The following KDELR3 variants were observed in gnomAD, a reference collection of about 807,000 sequenced individuals.
KDELR3 encodes the protein ER lumen protein-retaining receptor 3.
A neutral mutation model predicts 22.7 loss-of-function variants in KDELR3; 26 were observed. The observed-to-expected ratio is 1.15, with a 90% confidence interval of 0.84 to 1.59. The LOEUF is 1.59. KDELR3 is among the 40% of genes most tolerant of loss of function. The pLI, the probability that KDELR3 is intolerant of heterozygous loss-of-function variation, is 0.00. For missense variants in KDELR3, 289 were observed against 251.1 expected, an observed-to-expected ratio of 1.15 and a Z score of -1.02; for synonymous variants, 120 against 98.2, an observed-to-expected ratio of 1.22 and a Z score of -1.31.
At chr22:38,471,479 G>C (rs56275828) in intron 1 of KDELR3, among the ~76,000 whole-genome samples, 1 of 152,156 alleles carries the variant, frequency 6.6e-6, no homozygotes, top group African/African-American at 2.4e-5. Flanking sequence ...GCTAGTGCAC[G>C]TGCGCGCGTG....
chr22:38,472,775 C>G (rs1218404789), intron 1 of KDELR3, among the ~76,000 whole-genome samples: 3 of 152,206 alleles, frequency 2.0e-5, no homozygotes, highest in Admixed American at 6.5e-5. Context: ...TCTCGGCTCA[C>G]TGCAACCTCC....
intron 1 of KDELR3, among the ~76,000 whole-genome samples, chr22:38,470,145 A>G (rs1035080467): frequency 7.1e-5 from 10 of 141,594 alleles, no homozygotes; most frequent in Admixed American, 5.7e-4. Context: ...TTTTTTTGAG[A>G]CAGAGTTTTG....
intron 1 of KDELR3, among the ~76,000 whole-genome samples, 187 bp downstream of exon 1, chr22:38,468,511 C>T (rs1479389605): frequency 6.6e-6 from 1 of 152,174 alleles, no homozygotes; most frequent in African/African-American, 2.4e-5. Context: ...AGGAGGACCC[C>T]TCGAGATGAT....
At chr22:38,471,870 AG>A (rs776876185) in intron 1 of KDELR3, among the ~76,000 whole-genome samples, 3 of 140,940 alleles carry the variant, frequency 2.1e-5, no homozygotes, top group East Asian at 1.9e-4. Context: ...AGGCTAAGGT[AG>A]GGGGGTCATC....
intron 1 of KDELR3, among the ~76,000 whole-genome samples, chr22:38,469,914 G>T (rs2089514212): frequency 6.6e-6 from 1 of 152,154 alleles, no homozygotes; most frequent in African/African-American, 2.4e-5. Flanking sequence ...CCACCTCCCA[G>T]GTTCAAGCGA....
Position 38,483,055 on chromosome 22 carries a change from C to CT in KDELR3, c.*519_*520insT, listed in dbSNP as rs2089617079. 1 of 153,098 alleles carries CT rather than the reference C, an allele frequency of 6.5e-6. No homozygotes were observed. The highest frequency in any genetic ancestry group is 1.5e-5 in the Non-Finnish European group (1 of 68,712). 9.5% of individuals were successfully genotyped at this position (153,098 alleles called of 1,614,324 possible). On this transcript the variant is annotated 3_prime_UTR_variant, in exon 5 of 5. Transcript: ENST00000216014. ...ATTTCACTTTCACACTGCCTTCAGG[C>CT]CAGAAGCAAACCAAATTTACCAGGT... is the stretch of plus-strand genomic sequence containing the variant.
intron 3 of KDELR3, among the ~76,000 whole-genome samples, chr22:38,480,513 C>G (rs933010311): frequency 6.6e-6 from 1 of 151,744 alleles, no homozygotes; most frequent in Admixed American, 6.6e-5. Flanking sequence ...TATTTTTGGC[C>G]GGGCACGGTG....
intron 2 of KDELR3, among the ~76,000 whole-genome samples, chr22:38,474,915 C>T (rs1224830257): frequency 4.6e-5 from 7 of 151,318 alleles, no homozygotes; most frequent in Non-Finnish European, 1.5e-5. Flanking sequence ...CCTGTCTCTA[C>T]TAAAAATACA....
chr22:38,468,258 G>T lies in KDELR3; in HGVS notation c.25G>T (p.Asp9Tyr). 6.2e-7 allele frequency: 1 copy of T among 1,613,860 alleles called. No homozygotes were observed. Among genetic ancestry groups the T allele is most frequent in the Non-Finnish European group, 8.5e-7 (1 of 1,179,946 alleles). Residue 9 changes from aspartate (D) to tyrosine (Y), a missense_variant, in exon 1 of 5, where the codon GAC (aspartate) becomes TAC (tyrosine). Asp to Tyr is a radical substitution (Grantham distance 160, BLOSUM62 -3). Coordinates refer to ENST00000216014, the MANE Select transcript of KDELR3 (RefSeq NM_006855.4). MNVFRILG[D>Y]LSHLLAMILL... ...CATGAACGTGTTCCGAATCCTCGGCGACCTGAGCCACCTCCTGGCCATGAT... is the reference window on the plus strand; with the variant it reads ...CATGAACGTGTTCCGAATCCTCGGCTACCTGAGCCACCTCCTGGCCATGAT...
At chr22:38,479,791 ATGCTCCC>A in intron 3 of KDELR3, 40 bp downstream of exon 3, 1 of 1,594,188 alleles carries the variant, frequency 6.3e-7, no homozygotes, top group Non-Finnish European at 8.6e-7. Flanking sequence ...AAAGGGAAAT[ATGCTCCC>A]TGCATCCTTC....
chr22:38,476,243 G>A (rs1294603618), intron 2 of KDELR3, among the ~76,000 whole-genome samples: 3 of 151,022 alleles, frequency 2.0e-5, no homozygotes, highest in East Asian at 2.0e-4. Flanking sequence ...TTTTTGAGAC[G>A]GAGTCTCGCT....
intron 4 of KDELR3, chr22:38,481,697 T>C (rs2089603107): frequency 7.5e-7 from 1 of 1,332,360 alleles, no homozygotes; most frequent in South Asian, 1.6e-5. Flanking sequence ...TTTGACAGAA[T>C]ACTTGGTTAG....
At chr22:38,475,686 G>C (rs1381024939) in intron 2 of KDELR3, among the ~76,000 whole-genome samples, 1 of 151,938 alleles carries the variant, frequency 6.6e-6, no homozygotes, top group African/African-American at 2.4e-5. Context: ...GAGTGCAGCA[G>C]CGCAATCTCA....
At chr22:38,472,947 C>T (rs1341288266) in intron 1 of KDELR3, among the ~76,000 whole-genome samples, 3 of 151,982 alleles carry the variant, frequency 2.0e-5, no homozygotes, top group South Asian at 2.1e-4. Context: ...GTGATCTGCC[C>T]GCCTCGGCCT....
intron 1 of KDELR3, among the ~76,000 whole-genome samples, chr22:38,472,948 G>A (rs535443251): frequency 1.3e-4 from 20 of 151,998 alleles, no homozygotes; most frequent in Non-Finnish European, 2.8e-4. Flanking sequence ...TGATCTGCCC[G>A]CCTCGGCCTC....
chr22:38,474,636 G>T lies in KDELR3; in HGVS notation c.192+13G>T, dbSNP rs1471178797. On this transcript the variant is annotated intron_variant, in intron 2 of 4. Transcript: ENST00000216014. The stretch of plus-strand genomic sequence containing the variant: ...CACAGTAATGAAGGTGAGGGGCTGG[G>T]TGATGATGGTTGGGGGAAGCCACCA... The T allele has an allele frequency of 1.2e-6, 2 of 1,603,180 alleles. No homozygotes were observed. Among genetic ancestry groups the T allele is most frequent in the African/African-American group, 1.3e-5 (1 of 74,692 alleles).
At chr22:38,476,023 G>A (rs976662298) in intron 2 of KDELR3, among the ~76,000 whole-genome samples, 1 of 151,820 alleles carries the variant, frequency 6.6e-6, no homozygotes, top group Admixed American at 6.6e-5. Flanking sequence ...TCAACTTCCC[G>A]GGCTGAAGGG....
In KDELR3 at chr22:38,482,626, C is replaced by T; in HGVS notation, c.*90C>T. On this transcript the variant is annotated 3_prime_UTR_variant, in exon 5 of 5. Coordinates refer to ENST00000216014, the MANE Select transcript of KDELR3 (RefSeq NM_006855.4). ...TGGCAACTTATCCATAATTTGGGATCAAATGTTAAAACCAGAAAAGTGTTT... is the reference window on the plus strand; with the variant it reads ...TGGCAACTTATCCATAATTTGGGATTAAATGTTAAAACCAGAAAAGTGTTT... The T allele has an allele frequency of 8.2e-7, 1 of 1,218,284 alleles. No homozygotes were observed. Among genetic ancestry groups the T allele is most frequent in the Non-Finnish European group, 1.2e-6 (1 of 830,652 alleles). The allele number at this position is 1,218,284 out of a possible 1,614,324, so 75.5% of individuals were successfully genotyped here.
intron 1 of KDELR3, among the ~76,000 whole-genome samples, chr22:38,473,371 A>ATAGAGGC (rs2089536828): frequency 6.6e-6 from 1 of 152,114 alleles, no homozygotes. Flanking sequence ...AGTCCAGGAG[A>ATAGAGGC]TAGAGGCTGC....
Sources: allele counts gnomAD v4.1 joint callset (sites outside exome capture counted in the v4.1 genomes callset), GRCh38; gene constraint gnomAD v4.1.1; transcripts MANE v1.5; gene names NCBI Gene and HGNC (gene_info 2026-07-23, HGNC 2026-07-21).